Variants in PKHD1L1 observed in about 807,000 individuals in gnomAD.
The protein encoded by PKHD1L1 is fibrocystin-L.
Under a neutral mutation model 462.9 loss-of-function variants are expected in PKHD1L1, and 434 were observed. That is an observed-to-expected ratio of 0.94 (90% CI 0.87 to 1.02). The LOEUF is 1.02. PKHD1L1 is among the 50% of genes least tolerant of loss of function. The pLI, the probability that PKHD1L1 is intolerant of heterozygous loss-of-function variation, is 0.00. For synonymous variants in PKHD1L1, 1,781 were observed against 1,750.0 expected, an observed-to-expected ratio of 1.02 and a Z score of -0.44; for missense variants, 5,202 against 5,096.1, an observed-to-expected ratio of 1.02 and a Z score of -0.63.
rs908984883 is a variant in PKHD1L1 at position 109,522,826 on chromosome 8, C to T, written c.12266C>T (p.Pro4089Leu). ...TCCTCACTCTTAGTGATCACTCAGC[C>T]GGTGGCAGCACAGCCAGGACAGCCA... Reference protein sequence around the residue: ...FVSSLLVITQPVAAQPGQPFP... With the variant: ...FVSSLLVITQLVAAQPGQPFP... Residue 4089 changes from proline to leucine, a missense_variant, in exon 75 of 78, where the codon CCG (proline) becomes CTG (leucine). Physicochemically the swap from Pro to Leu is moderately conservative, Grantham distance 98 (BLOSUM62 -3). This residue lies in a region of PKHD1L1 where 698 missense variants were observed against 736.3 expected (regional missense o/e 0.95). Transcript: ENST00000378402. 10 of 1,612,060 alleles carry T rather than the reference C, an allele frequency of 6.2e-6. No homozygotes were observed. Among genetic ancestry groups the T allele is most frequent in the African/African-American group, 1.3e-5 (1 of 74,832 alleles).
chr8:109,382,726 T>G (rs1347757841), intron 4 of PKHD1L1, among the ~76,000 whole-genome samples, 155 bp downstream of exon 4: 1 of 152,068 alleles, frequency 6.6e-6, no homozygotes, highest in Non-Finnish European at 1.5e-5. Flanking sequence ...TAAATTATCT[T>G]CCATAGTAAT....
At chr8:109,503,940 G>A (rs1027533236) in intron 67 of PKHD1L1, among the ~76,000 whole-genome samples, 7 of 152,172 alleles carry the variant, frequency 4.6e-5, no homozygotes, top group South Asian at 2.1e-4. Flanking sequence ...TAGCTGGGGC[G>A]ATAGGAGTGA....
intron 3 of PKHD1L1, among the ~76,000 whole-genome samples, chr8:109,382,236 G>A (rs985632130): frequency 5.3e-5 from 8 of 151,972 alleles, no homozygotes; most frequent in East Asian, 3.9e-4. Context: ...GTGCACAGTC[G>A]GAATATGCAT....
Position 109,381,403 on chromosome 8 carries a change from T to A in PKHD1L1, c.197T>A (p.Val66Asp), listed in dbSNP as rs1416789430. Residue 66 changes from valine (V) to aspartate (D), a missense_variant, in exon 3 of 78, where the codon GTT becomes GAT. Physicochemically the swap from Val to Asp is radical, Grantham distance 152. Transcript: ENST00000378402. ...CAAGCAAACCAGTTTAACTATGGAG[T>A]TGATAACGCTGAGTTGGGAAACAGT... ...FSQANQFNYG[V>D]DNAELGNSVQ... 2.5e-6 allele frequency: 4 copies of A among 1,580,470 alleles called. No homozygotes were observed. The highest frequency in any genetic ancestry group is 3.3e-4 in the Middle Eastern group (2 of 6,022).
At position 109,534,331 on chromosome 8, in the gene PKHD1L1, C is replaced by T. The variant is rs978097778; in HGVS notation, c.*4241C>T. Among the ~76,000 whole-genome samples, 7 of 152,098 alleles carry T rather than the reference C, an allele frequency of 4.6e-5. No homozygotes were observed. The highest frequency in any genetic ancestry group is 1.3e-4 in the Admixed American group (2 of 15,280). The stretch of plus-strand genomic sequence containing the variant: ...CAAAAAAATTAGCCAGGCATGGTGG[C>T]GGGCACCTGTAGTCTCAGCTAGTCG... On this transcript the variant is annotated 3_prime_UTR_variant, in exon 78 of 78. Transcript: ENST00000378402.
intron 23 of PKHD1L1, among the ~76,000 whole-genome samples, chr8:109,422,936 T>C (rs1167937321): frequency 6.6e-6 from 1 of 152,200 alleles, no homozygotes; most frequent in Admixed American, 6.5e-5. Context: ...GATGGTTCAT[T>C]TTCATTTTAA....
intron 40 of PKHD1L1, among the ~76,000 whole-genome samples, chr8:109,449,839 C>T (rs886075811): frequency 9.9e-5 from 15 of 152,178 alleles, no homozygotes; most frequent in African/African-American, 2.9e-4. Flanking sequence ...GTATCAACGC[C>T]GATAGTGCAT....
intron 2 of PKHD1L1, among the ~76,000 whole-genome samples, chr8:109,381,026 G>A (rs1373751007): frequency 6.6e-6 from 1 of 152,156 alleles, no homozygotes; most frequent in South Asian, 2.1e-4. Flanking sequence ...GGGAAATACA[G>A]TATTCACCAG....
intron 2 of PKHD1L1, among the ~76,000 whole-genome samples, chr8:109,376,651 A>T (rs1230842792): frequency 1.3e-5 from 2 of 151,996 alleles, no homozygotes; most frequent in Non-Finnish European, 2.9e-5. Context: ...CCACCCCCCA[A>T]ATCTCAGGAT....
At chr8:109,496,841 C>G in intron 63 of PKHD1L1, 78 bp from the exon 64 acceptor site, 1 of 1,435,338 alleles carries the variant, frequency 7.0e-7, no homozygotes, top group Admixed American at 2.2e-5. Flanking sequence ...ATTTTGTTAA[C>G]TTTAACTGAT....
In PKHD1L1 at chr8:109,450,962, C is replaced by A. The variant is rs749243968; in HGVS notation, c.6176-13C>A. ...ATGGCAGAACTGCATTCAGTCTGAT[C>A]TTCCTTTCATAGGCACGGGAGCTGA... is the stretch of plus-strand genomic sequence containing the variant. On this transcript the variant is annotated splice_polypyrimidine_tract_variant and intron_variant, in intron 40 of 77. Coordinates refer to ENST00000378402, the MANE Select transcript of PKHD1L1 (RefSeq NM_177531.6). 1.9e-6 allele frequency: 3 copies of A among 1,582,828 alleles called. No homozygotes were observed. Among genetic ancestry groups the A allele is most frequent in the South Asian group, 2.3e-5 (2 of 87,986 alleles).
rs1358922072 is a variant in PKHD1L1 at position 109,398,451 on chromosome 8, C to T, written c.923-8C>T. On this transcript the variant is annotated splice_region_variant and splice_polypyrimidine_tract_variant and intron_variant, in intron 11 of 77. Transcript: ENST00000378402. ...GTAGTAACGGTTTTGTATCTTGCTT[C>T]TCTATAGGTGAACCTTGTGATATTT... 6.6e-7 allele frequency: 1 copy of T among 1,513,854 alleles called. No individual in the cohort carries two copies. The highest frequency in any genetic ancestry group is 9.0e-7 in the Non-Finnish European group (1 of 1,110,042). The allele number at this position is 1,513,854 out of a possible 1,614,324, so 93.8% of individuals were successfully genotyped here.
intron 2 of PKHD1L1, among the ~76,000 whole-genome samples, chr8:109,371,935 T>C (rs13264591): frequency 0.3 from 45,687 of 151,286 alleles, 7,518 homozygotes; most frequent in Admixed American, 0.43. Flanking sequence ...AGTCAGGTAG[T>C]GTGATGCCTC....
chr8:109,437,861 CA>C (rs1196610338), intron 30 of PKHD1L1, among the ~76,000 whole-genome samples: 1 of 151,996 alleles, frequency 6.6e-6, no homozygotes, highest in Non-Finnish European at 1.5e-5. Context: ...GCAAAAGCAT[CA>C]AATAGTTTTC....
chr8:109,453,200 C>T (rs532038504), intron 43 of PKHD1L1, among the ~76,000 whole-genome samples: 10 of 152,172 alleles, frequency 6.6e-5, no homozygotes, highest in South Asian at 4.2e-4. Context: ...AGCATGCCCG[C>T]CCACTTTCAC....
chr8:109,425,353 T>TA, intron 24 of PKHD1L1, 121 bp downstream of exon 24: 2 of 588,106 alleles, frequency 3.4e-6, no homozygotes, highest in Non-Finnish European at 5.1e-6. Context: ...ATATATTAAT[T>TA]ATTTATTTGA....
At position 109,462,020 on chromosome 8, in the gene PKHD1L1, C is replaced by G. The variant is rs556032164; in HGVS notation, c.7383+112C>G. On this transcript the variant is annotated intron_variant, in intron 48 of 77. Coordinates refer to ENST00000378402, the MANE Select transcript of PKHD1L1 (RefSeq NM_177531.6). Reference sequence around the variant, plus strand: ...GCTACTTATAATCTGGTAGGGGAGACAGATACATAAGTAAACAATTTTAAT... The same window carrying G: ...GCTACTTATAATCTGGTAGGGGAGAGAGATACATAAGTAAACAATTTTAAT... 4 of 1,276,410 alleles carry G rather than the reference C, an allele frequency of 3.1e-6. No homozygotes were observed. In the African/African-American group the frequency reaches 6.0e-5, roughly 19 times the overall value. 79.1% of individuals were successfully genotyped at this position (1,276,410 alleles called of 1,614,324 possible). A position where few individuals can be genotyped will look rare whatever the true frequency, so the allele number is the denominator to read the frequency against.
At chr8:109,516,640 C>T (rs574870083) in intron 72 of PKHD1L1, among the ~76,000 whole-genome samples, 41 of 152,194 alleles carry the variant, frequency 2.7e-4, no homozygotes, top group African/African-American at 8.7e-4. Context: ...AAAACCCATG[C>T]ACTTAACCAT....
rs533459387 is a variant in PKHD1L1, at chr8:109,512,512, G to A, written c.11553+1578G>A. 1.6e-3 allele frequency among the ~76,000 whole-genome samples: 240 copies of A among 152,112 alleles called. 2 individuals carry two copies. The highest frequency in any genetic ancestry group is 3.0e-3 in the Non-Finnish European group (202 of 67,976). ...CCAAAGATCAGATAGTTGTAGATAT[G>A]CGGCATTATTTCTGAGGGCTCTGTT... is the stretch of plus-strand genomic sequence containing the variant. On this transcript the variant is annotated intron_variant, in intron 71 of 77. Transcript: ENST00000378402.
Sources: gnomAD v4.1 joint callset for allele counts (sites outside exome capture counted in the v4.1 genomes callset) on GRCh38, gnomAD v4.1.1 for gene constraint, gnomAD v4.1.1 regional missense constraint, MANE v1.5 for transcripts, NCBI Gene and HGNC (gene_info 2026-07-23, HGNC 2026-07-21) for gene names.